ZNF536: variants seen among roughly 807,000 people sequenced by gnomAD.
ZNF536 encodes the protein zinc finger protein 536.
ZNF536 carries 13 observed loss-of-function variants against 84.5 expected under a neutral mutation model. The ratio of observed to expected loss-of-function variants is 0.15; its 90% CI spans 0.10 to 0.24. ZNF536 has a LOEUF of 0.24. ZNF536 is among the 10% of genes least tolerant of loss of function. The pLI, the probability that ZNF536 is intolerant of heterozygous loss-of-function variation, is 1.00. For missense variants in ZNF536, 1,536 were observed against 1,747.5 expected (o/e 0.88, Z 2.16); for synonymous variants, 811 against 742.5 (o/e 1.09, Z -1.50).
At chr19:30,367,703 C>T (rs2048481083), upstream of ZNF536, among the ~76,000 whole-genome samples, 1 of 152,194 alleles carries the variant, frequency 6.6e-6, no homozygotes, top group Admixed American at 6.5e-5. Context: ...GGTCGCGTGA[C>T]AGCAGCGCAG....
intron 1 of ZNF536, among the ~76,000 whole-genome samples, chr19:30,665,110 G>A (rs1397646802): frequency 2.0e-5 from 3 of 152,214 alleles, no homozygotes; most frequent in Non-Finnish European, 2.9e-5. Context: ...TTGGGAGGGC[G>A]AGGCAGATGG....
intron 1 of ZNF536, among the ~76,000 whole-genome samples, chr19:30,674,798 A>C (rs1351420705): frequency 6.6e-6 from 1 of 152,192 alleles, no homozygotes; most frequent in Non-Finnish European, 1.5e-5. Flanking sequence ...CGAGGTAGGC[A>C]GCTTTTTGCA....
chr19:30,365,356 C>T (rs1448028063), intron 3 of ZNF536, among the ~76,000 whole-genome samples: 1 of 152,114 alleles, frequency 6.6e-6, no homozygotes, highest in East Asian at 1.9e-4. Flanking sequence ...TTCTCTCTTC[C>T]CTCTCTCTTC....
At chr19:30,688,364 G>A (rs1472373079) in intron 1 of ZNF536, among the ~76,000 whole-genome samples, 1 of 152,126 alleles carries the variant, frequency 6.6e-6, no homozygotes, top group African/African-American at 2.4e-5. Flanking sequence ...GAGTGTCAAG[G>A]GACTTTTGTA....
At position 30,520,861 on chromosome 19, in the gene ZNF536, C is replaced by A. The variant is rs372096270; in HGVS notation, c.2171-13986C>A. 1.4e-4 allele frequency among the ~76,000 whole-genome samples: 21 copies of A among 152,282 alleles called. No individual in the cohort carries two copies. In the South Asian group the frequency reaches 4.1e-3, roughly 30 times the overall value. The stretch of plus-strand genomic sequence containing the variant: ...GGAGGCCTTATTCCCATGTCATAGG[C>A]AGTGTTTGGAGGCTGGGCGAAGGTA... On this transcript the variant is annotated intron_variant, in intron 2 of 4. Coordinates refer to ENST00000355537, the MANE Select transcript of ZNF536 (RefSeq NM_014717.3).
chr19:30,664,079 G>A (rs2050215343), intron 1 of ZNF536, among the ~76,000 whole-genome samples: 1 of 152,146 alleles, frequency 6.6e-6, no homozygotes, highest in African/African-American at 2.4e-5. Flanking sequence ...TATGATACAT[G>A]TACCTAGAAG....
chr19:30,262,300 G>C (rs2025268379), intron 1 of ZNF536, among the ~76,000 whole-genome samples: 1 of 152,228 alleles, frequency 6.6e-6, no homozygotes. Context: ...CCAGGTGCAG[G>C]TGGGAAGGGA....
At chr19:30,463,544 T>C (rs2148448264) in intron 2 of ZNF536, among the ~76,000 whole-genome samples, 1 of 151,994 alleles carries the variant, frequency 6.6e-6, no homozygotes, top group African/African-American at 2.4e-5. Flanking sequence ...GAGGCAGGGG[T>C]TGTGTTTTCT....
chr19:30,427,832 C>G (rs1197936905), intron 1 of ZNF536, among the ~76,000 whole-genome samples: 7 of 152,130 alleles, frequency 4.6e-5, no homozygotes, highest in Non-Finnish European at 1.0e-4. Flanking sequence ...ACCTCCTTCC[C>G]GGTTCCACCT....
chr19:30,710,106 C>T (rs1321798502), intron 1 of ZNF536, among the ~76,000 whole-genome samples: 2 of 152,150 alleles, frequency 1.3e-5, no homozygotes, highest in Non-Finnish European at 2.9e-5. Flanking sequence ...TGTTTCCTGT[C>T]TTGTTCTCTA....
In ZNF536 at chr19:30,557,111, C is replaced by T. The variant is rs186638947; in HGVS notation, c.3896-46C>T. 3.1e-6 allele frequency: 5 copies of T among 1,611,698 alleles called. No individual in the cohort carries two copies. The East Asian group carries it at 1.1e-4, about 36-fold the overall frequency. ...CCCTTGCTTTCAAATGCCTCTAGCC[C>T]TGATGGTTTCTGGATTATTTAATAA... is the stretch of plus-strand genomic sequence containing the variant. On this transcript the variant is annotated intron_variant, in intron 4 of 4. Coordinates refer to ENST00000355537, the MANE Select transcript of ZNF536 (RefSeq NM_014717.3).
rs8101452 is a variant in ZNF536, at chr19:30,442,725, G to A, written c.-2-836G>A. Among the ~76,000 whole-genome samples the A allele has an allele frequency of 2.0e-3, 304 of 152,234 alleles. 1 individual carries two copies. Among genetic ancestry groups the A allele is most frequent in the African/African-American group, 7.1e-3 (296 of 41,544 alleles). ...CCAAATGATAAAATAACAGTGTTTC[G>A]TAACATAAGGGTTAAATCTTAATCT... On this transcript the variant is annotated intron_variant, in intron 1 of 4. Transcript: ENST00000355537.
chr19:30,653,238 C>G (rs574973038), intron 1 of ZNF536, among the ~76,000 whole-genome samples: 1 of 152,222 alleles, frequency 6.6e-6, no homozygotes, highest in South Asian at 2.1e-4. Context: ...TGGGGAGGAC[C>G]CTCTATCCTG....
chr19:30,548,818 A>G lies in ZNF536; in HGVS notation c.3199A>G (p.Asn1067Asp). The G allele has an allele frequency of 6.2e-7, 1 of 1,614,034 alleles. No homozygotes were observed. Among genetic ancestry groups the G allele is most frequent in the Non-Finnish European group, 8.5e-7 (1 of 1,180,016 alleles). Residue 1067 changes from asparagine to aspartate, a missense_variant, in exon 4 of 5, where the codon AAT becomes GAT. Transcript: ENST00000355537. ...ATCAAACAAAGACCTGGGCCTCTCC[A>G]ATATGATCAGCTCTCTAGACTCTGC... is the stretch of plus-strand genomic sequence containing the variant. ...LQSNKDLGLS[N>D]MISSLDSASE...
chr19:30,545,806 AG>A (rs899797670), intron 3 of ZNF536, among the ~76,000 whole-genome samples: 2 of 151,960 alleles, frequency 1.3e-5, no homozygotes, highest in Non-Finnish European at 2.9e-5. Flanking sequence ...CAGGCTTGAG[AG>A]GAAAGTCCAC....
At chr19:30,456,057 G>T (rs116097098) in intron 2 of ZNF536, among the ~76,000 whole-genome samples, 1,590 of 152,298 alleles carry the variant, frequency 0.01, 26 homozygotes, top group African/African-American at 0.037. Context: ...TCATAAATAA[G>T]AGTGTGATGG....
chr19:30,441,548 A>G (rs2052048579), intron 1 of ZNF536, among the ~76,000 whole-genome samples: 2 of 152,172 alleles, frequency 1.3e-5, no homozygotes, highest in Non-Finnish European at 2.9e-5. Context: ...TGGCACATGG[A>G]AGGATCTCGG....
chr19:30,251,430 T>A (rs968933319), intron 1 of ZNF536, among the ~76,000 whole-genome samples: 2 of 152,138 alleles, frequency 1.3e-5, no homozygotes, highest in East Asian at 3.9e-4. Context: ...TTTTCTATAA[T>A]GTGTTGAAGG....
chr19:30,361,591 C>T (rs757421351), intron 3 of ZNF536, among the ~76,000 whole-genome samples: 6 of 152,100 alleles, frequency 3.9e-5, no homozygotes, highest in African/African-American at 7.2e-5. Context: ...GCGTCAAACA[C>T]GCGCCATGGA....
Sources: allele counts gnomAD v4.1 joint callset (sites outside exome capture counted in the v4.1 genomes callset), GRCh38; gene constraint gnomAD v4.1.1; transcripts MANE v1.5; gene names NCBI Gene and HGNC (gene_info 2026-07-23, HGNC 2026-07-21).